Variants in BST1 observed in about 807,000 individuals in gnomAD.
BST1 encodes the protein bone marrow stromal cell antigen 1.
In BST1, 49 loss-of-function variants were observed where a neutral mutation model predicts 40.6. The ratio of observed to expected loss-of-function variants is 1.21; its 90% CI spans 0.96 to 1.53. The LOEUF (loss-of-function observed/expected upper bound fraction) is 1.53. Among genes scored for constraint, BST1 ranks in the 40% most tolerant of loss-of-function variants. The pLI, the probability that BST1 is intolerant of heterozygous loss-of-function variation, is 0.00. For synonymous variants in BST1, 157 were observed against 159.3 expected (o/e 0.99, Z 0.11); for missense variants, 423 against 395.9 (o/e 1.07, Z -0.58).
chr4:15,741,072 A>G (rs924373500), downstream of BST1, among the ~76,000 whole-genome samples: 2 of 151,230 alleles, frequency 1.3e-5, no homozygotes, highest in African/African-American at 4.9e-5. Flanking sequence ...GAGCAGTGAC[A>G]GTTTTTTTGG....
At chr4:15,754,284 G>A in the BST1 span, among the ~76,000 whole-genome samples, 8 of 152,152 alleles carry the variant, frequency 5.3e-5, no homozygotes, top group East Asian at 1.9e-4. Context: ...TTCATGAGTC[G>A]CTAAAGTAGA....
chr4:15,729,984 G>A (rs1454256762), intron 8 of BST1, among the ~76,000 whole-genome samples: 1 of 152,280 alleles, frequency 6.6e-6, no homozygotes, highest in African/African-American at 2.4e-5. Flanking sequence ...TTTTAAAAAA[G>A]TAAAGAAAAA....
At chr4:15,723,769 G>T in intron 8 of BST1, 1 of 376,682 alleles carries the variant, frequency 2.7e-6, no homozygotes, top group South Asian at 1.1e-4. Flanking sequence ...GAGAAATTTT[G>T]ATATGTTTCA....
the BST1 span, among the ~76,000 whole-genome samples, chr4:15,751,602 TATA>T: frequency 6.6e-6 from 1 of 152,122 alleles, no homozygotes; most frequent in Non-Finnish European, 1.5e-5. Context: ...TGTATATAGA[TATA>T]CACTATATCT....
At chr4:15,719,032 G>A (rs764677327) in intron 7 of BST1, 39 bp downstream of exon 7, 1 of 1,583,804 alleles carries the variant, frequency 6.3e-7, no homozygotes. Context: ...TGTAGAGGTG[G>A]TGTATGATTT....
At chr4:15,771,537 C>G in the BST1 span, among the ~76,000 whole-genome samples, 1 of 152,170 alleles carries the variant, frequency 6.6e-6, no homozygotes, top group South Asian at 2.1e-4. Context: ...TTACATTTCA[C>G]AGAAAGAGAA....
chr4:15,753,170 C>G, the BST1 span, among the ~76,000 whole-genome samples: 1 of 152,344 alleles, frequency 6.6e-6, no homozygotes, highest in East Asian at 1.9e-4. Context: ...CTTCATCTCT[C>G]TGATATAAAT....
At chr4:15,731,648 C>A in intron 8 of BST1, 92 bp from the exon 9 acceptor site, 1 of 1,476,188 alleles carries the variant, frequency 6.8e-7, no homozygotes, top group Non-Finnish European at 9.3e-7. Flanking sequence ...TCCGCGCTAA[C>A]CAGAAAAGAG....
chr4:15,747,377 C>T, the BST1 span, among the ~76,000 whole-genome samples: 3,794 of 151,634 alleles, frequency 0.025, 69 homozygotes, highest in East Asian at 0.062. Flanking sequence ...TGCCACCAAG[C>T]CTCCACTATT....
chr4:15,705,069 G>A (rs1719801945), intron 1 of BST1: 2 of 703,090 alleles, frequency 2.8e-6, no homozygotes, highest in Non-Finnish European at 5.2e-6. Flanking sequence ...TGCCAGAGGT[G>A]GAAGCCTTTT....
intron 2 of BST1, among the ~76,000 whole-genome samples, chr4:15,706,100 C>G (rs1481005915): frequency 6.6e-6 from 1 of 152,144 alleles, no homozygotes; most frequent in African/African-American, 2.4e-5. Context: ...GGAAATCCAC[C>G]CCCATAATCC....
In BST1 at chr4:15,711,824, T is replaced by G; in HGVS notation, c.469T>G (p.Cys157Gly). ...CCCCTTAGGACTCGATTACCAATCCTGCCCTACATCAGAAGACTGTGAAAA... is the reference window on the plus strand; with the variant it reads ...CCCCTTAGGACTCGATTACCAATCCGGCCCTACATCAGAAGACTGTGAAAA... ...KNDSGLDYQS[C>G]PTSEDCENNP... is the part of the protein sequence containing the mutation. Residue 157 changes from cysteine (C) to glycine (G), a missense_variant, in exon 4 of 9, where the codon TGC (cysteine) becomes GGC (glycine). By Grantham distance (159) the Cys-to-Gly change is radical (BLOSUM62 -3). Coordinates refer to ENST00000265016, the MANE Select transcript of BST1 (RefSeq NM_004334.3). 1 of 1,613,906 alleles carries G rather than the reference T, an allele frequency of 6.2e-7. No individual in the cohort carries two copies. Among genetic ancestry groups the G allele is most frequent in the Non-Finnish European group, 8.5e-7 (1 of 1,179,764 alleles).
intron 2 of BST1, 76 bp downstream of exon 2, chr4:15,705,717 C>T (rs1719847050): frequency 6.5e-7 from 1 of 1,540,570 alleles, no homozygotes; most frequent in East Asian, 2.3e-5. Flanking sequence ...GCCAGGTTGA[C>T]ATTAGCTGTC....
At chr4:15,725,102 C>T (rs1721029205) in intron 8 of BST1, among the ~76,000 whole-genome samples, 1 of 150,894 alleles carries the variant, frequency 6.6e-6, no homozygotes. Context: ...CTCTAAGCCA[C>T]TGTCATTTAG....
the BST1 span, among the ~76,000 whole-genome samples, chr4:15,764,136 C>A: frequency 1.3e-5 from 2 of 151,898 alleles, no homozygotes; most frequent in Non-Finnish European, 2.9e-5. Context: ...GTGGAGGAGA[C>A]TGTGCATGTG....
rs75812843 is a variant in BST1, at chr4:15,719,061, G to A, written c.791+68G>A. The stretch of plus-strand genomic sequence containing the variant: ...ATGATTTTGGAGGAGGTGGGCTGCC[G>A]AAAGGGTATTGATGGCTCTCAGCTC... On this transcript the variant is annotated intron_variant, in intron 7 of 8. Coordinates refer to ENST00000265016, the MANE Select transcript of BST1 (RefSeq NM_004334.3). The A allele has an allele frequency of 8.4e-3, 11,876 of 1,409,738 alleles. 845 individuals carry two copies. The African/African-American group carries it at 0.15, about 18-fold the overall frequency. 87.3% of individuals were successfully genotyped at this position (1,409,738 alleles called of 1,614,324 possible).
downstream of BST1, among the ~76,000 whole-genome samples, chr4:15,736,346 G>T (rs1236128321): frequency 6.6e-6 from 1 of 152,094 alleles, no homozygotes; most frequent in Non-Finnish European, 1.5e-5. Flanking sequence ...GAAGCCGGGC[G>T]CAGTGGCTCC....
At chr4:15,703,465 G>A in intron 1 of BST1, 133 bp downstream of exon 1, 13 of 1,397,848 alleles carry the variant, frequency 9.3e-6, no homozygotes, top group Non-Finnish European at 1.2e-5. Context: ...AGGTGAGTGT[G>A]GAGACAGCGA....
chr4:15,730,972 C>G, intron 8 of BST1: 1 of 473,342 alleles, frequency 2.1e-6, no homozygotes, highest in South Asian at 2.7e-5. Flanking sequence ...TTAATATAGG[C>G]ACTGGGGCTT....
Sources: allele counts gnomAD v4.1 joint callset (sites outside exome capture counted in the v4.1 genomes callset), GRCh38; gene constraint gnomAD v4.1.1; transcripts MANE v1.5; gene names NCBI Gene and HGNC (gene_info 2026-07-23, HGNC 2026-07-21).